Variants in DPP6 observed in about 807,000 individuals in gnomAD.
DPP6 encodes dipeptidyl peptidase like 6, also known as A-type potassium channel modulatory protein DPP6.
In DPP6, 69 loss-of-function variants were observed where a neutral mutation model predicts 122.6. That is an observed-to-expected ratio of 0.56 (90% CI 0.46 to 0.69). The LOEUF (loss-of-function observed/expected upper bound fraction) is 0.69. DPP6 is among the 30% of genes least tolerant of loss of function. The pLI, the probability that DPP6 is intolerant of heterozygous loss-of-function variation, is 0.00. For synonymous variants in DPP6, 418 were observed against 433.1 expected, an observed-to-expected ratio of 0.97 and a Z score of 0.43; for missense variants, 928 against 1,116.9, an observed-to-expected ratio of 0.83 and a Z score of 2.41.
chr7:154,494,539 G>A (rs181877648), intron 3 of DPP6, among the ~76,000 whole-genome samples: 37 of 151,838 alleles, frequency 2.4e-4, no homozygotes, highest in African/African-American at 7.7e-4. Context: ...GGATGAATAT[G>A]TTCTTATAAT....
intron 1 of DPP6, among the ~76,000 whole-genome samples, chr7:154,412,248 C>A (rs1816665373): frequency 6.6e-6 from 1 of 152,164 alleles, no homozygotes. Flanking sequence ...TTGCCCATAG[C>A]AGGCTGCTGG....
chr7:153,921,094 T>C (rs1585034694), intron 1 of DPP6, among the ~76,000 whole-genome samples: 1 of 152,254 alleles, frequency 6.6e-6, no homozygotes, highest in Non-Finnish European at 1.5e-5. Flanking sequence ...CAATGATATG[T>C]AGGAGAAAGC....
intron 8 of DPP6, among the ~76,000 whole-genome samples, chr7:154,734,824 G>C (rs1436754259): frequency 6.6e-6 from 1 of 152,208 alleles, no homozygotes; most frequent in Non-Finnish European, 1.5e-5. Context: ...CTGCTGCCTT[G>C]TCTGCAAAAC....
At chr7:154,839,597 G>A (rs1230928016) in intron 16 of DPP6, among the ~76,000 whole-genome samples, 7 of 152,218 alleles carry the variant, frequency 4.6e-5, no homozygotes, top group African/African-American at 1.4e-4. Flanking sequence ...ATTGTTAACC[G>A]TTGTTGTTGC....
At chr7:154,215,116 C>T (rs80273929) in intron 1 of DPP6, among the ~76,000 whole-genome samples, 1 of 152,158 alleles carries the variant, frequency 6.6e-6, no homozygotes, top group African/African-American at 2.4e-5. Flanking sequence ...GTTTAATTCA[C>T]TCACAGTTCT....
chr7:154,600,761 G>T (rs1295706871), intron 5 of DPP6, among the ~76,000 whole-genome samples: 1 of 121,500 alleles, frequency 8.2e-6, no homozygotes, highest in African/African-American at 2.6e-5. Context: ...ATCATGAACT[G>T]TTTCAAGTGT....
intron 5 of DPP6, among the ~76,000 whole-genome samples, chr7:154,630,233 C>T (rs1435343273): frequency 6.6e-6 from 1 of 152,142 alleles, no homozygotes; most frequent in Non-Finnish European, 1.5e-5. Context: ...CAGCCTGGTG[C>T]ATTGTTAGGA....
intron 1 of DPP6, among the ~76,000 whole-genome samples, chr7:153,999,558 T>C (rs1797592684): frequency 6.6e-6 from 1 of 152,190 alleles, no homozygotes; most frequent in African/African-American, 2.4e-5. Context: ...CTGTGTTCCT[T>C]TGAATGGAGG....
chr7:154,472,817 C>A (rs1330577845), intron 2 of DPP6, among the ~76,000 whole-genome samples: 1 of 152,166 alleles, frequency 6.6e-6, no homozygotes, highest in African/African-American at 2.4e-5. Flanking sequence ...TTGAATGGAG[C>A]AATTTTGATA....
chr7:154,765,063 ACAAACCACTTC>A (rs1795814963), intron 8 of DPP6, among the ~76,000 whole-genome samples: 1 of 152,220 alleles, frequency 6.6e-6, no homozygotes, highest in Non-Finnish European at 1.5e-5. Context: ...GTGGGGACAA[ACAAACCACTTC>A]CAAACCACAG....
At chr7:154,019,020 T>C (rs927676567) in intron 1 of DPP6, among the ~76,000 whole-genome samples, 2 of 152,216 alleles carry the variant, frequency 1.3e-5, no homozygotes, top group African/African-American at 4.8e-5. Context: ...GAGAAAACAA[T>C]TTAAAATGAT....
intron 1 of DPP6, among the ~76,000 whole-genome samples, chr7:154,354,646 A>G (rs1385371621): frequency 6.6e-6 from 1 of 152,190 alleles, no homozygotes. Flanking sequence ...AGAATCATGC[A>G]ATACATATTC....
chr7:154,869,750 G>A (rs1467689061), intron 18 of DPP6, among the ~76,000 whole-genome samples: 1 of 152,226 alleles, frequency 6.6e-6, no homozygotes, highest in Non-Finnish European at 1.5e-5. Context: ...AGGAAGCTAT[G>A]CTCTATCACA....
intron 1 of DPP6, among the ~76,000 whole-genome samples, chr7:154,046,136 T>C (rs1800006434): frequency 1.3e-5 from 2 of 152,240 alleles, no homozygotes; most frequent in South Asian, 4.1e-4. Flanking sequence ...ATTATCTGGC[T>C]TAGCCCCAGG....
intron 16 of DPP6, among the ~76,000 whole-genome samples, chr7:154,834,129 C>T (rs1225892220): frequency 6.6e-6 from 1 of 152,104 alleles, no homozygotes; most frequent in Admixed American, 6.5e-5. Context: ...CTGTCTCTGT[C>T]TCCCTAGAAA....
intron 3 of DPP6, among the ~76,000 whole-genome samples, chr7:154,489,155 G>A (rs1220774466): frequency 6.6e-6 from 1 of 152,150 alleles, no homozygotes; most frequent in Non-Finnish European, 1.5e-5. Context: ...ACAACTGCAT[G>A]GCCTGGTTGT....
chr7:154,515,824 G>C (rs1392229786), intron 3 of DPP6, among the ~76,000 whole-genome samples: 1 of 152,126 alleles, frequency 6.6e-6, no homozygotes, highest in Admixed American at 6.5e-5. Flanking sequence ...ACAACCCCAA[G>C]TCTCTTCCAG....
At chr7:153,916,164 G>T (rs1800304472) in intron 1 of DPP6, among the ~76,000 whole-genome samples, 5 of 151,300 alleles carry the variant, frequency 3.3e-5, no homozygotes, top group Admixed American at 3.3e-4. Flanking sequence ...TAGTAGAGAT[G>T]GGGTTTCACC....
intron 1 of DPP6, among the ~76,000 whole-genome samples, chr7:154,383,151 TTATTAATGTGTGAC>T (rs1177544802): frequency 6.6e-6 from 1 of 152,210 alleles, no homozygotes; most frequent in Non-Finnish European, 1.5e-5. Flanking sequence ...ACTACAGCTG[TTATTAATGTGTGAC>T]TATTTCTGGC....
Sources: gnomAD v4.1 joint callset for allele counts (sites outside exome capture counted in the v4.1 genomes callset) on GRCh38, gnomAD v4.1.1 for gene constraint, MANE v1.5 for transcripts, NCBI Gene and HGNC (gene_info 2026-07-23, HGNC 2026-07-21) for gene names.